Variants in FHIP1A observed in about 807,000 individuals in gnomAD.
FHIP1A encodes FHF complex subunit HOOK-interacting protein 1A.
FHIP1A carries 61 observed loss-of-function variants against 88.6 expected under a neutral mutation model. The ratio of observed to expected loss-of-function variants is 0.69; its 90% confidence interval spans 0.56 to 0.85. The LOEUF is 0.85. Among genes scored for constraint, FHIP1A ranks in the 40% least tolerant of loss-of-function variants. FHIP1A has a pLI of 0.00. For synonymous variants in FHIP1A, 478 were observed against 496.0 expected, an observed-to-expected ratio of 0.96 and a Z score of 0.48; for missense variants, 1,154 against 1,273.5, an observed-to-expected ratio of 0.91 and a Z score of 1.43.
chr4:151,465,886 A>C (rs1729293115), intron 2 of FHIP1A, among the ~76,000 whole-genome samples: 1 of 152,186 alleles, frequency 6.6e-6, no homozygotes, highest in South Asian at 2.1e-4. Context: ...AAATAATAAG[A>C]GCTATCTATG....
At chr4:151,520,467 C>T (rs1731409794) in intron 3 of FHIP1A, among the ~76,000 whole-genome samples, 1 of 151,894 alleles carries the variant, frequency 6.6e-6, no homozygotes, top group Admixed American at 6.5e-5. Flanking sequence ...TATGAATGTT[C>T]CATAAATCAT....
rs137900581 is a variant in FHIP1A, at chr4:151,444,269, C to T, written c.-355-10432C>T. Among the ~76,000 whole-genome samples, 593 of 152,188 alleles carry T rather than the reference C, an allele frequency of 3.9e-3. 3 individuals carry two copies. Among genetic ancestry groups the T allele is most frequent in the African/African-American group, 0.014 (569 of 41,532 alleles). On this transcript the variant is annotated intron_variant, in intron 1 of 13. Coordinates refer to ENST00000435205, the MANE Select transcript of FHIP1A (RefSeq NM_001109977.3). The stretch of plus-strand genomic sequence containing the variant: ...TAGGGACTCAGGAGGGACATGCAGG[C>T]GGTCAGGCATCTTGAAATGGAAGCC...
At chr4:151,608,011 TTTTTC>T (rs1409740742) in intron 7 of FHIP1A, among the ~76,000 whole-genome samples, 1 of 150,588 alleles carries the variant, frequency 6.6e-6, no homozygotes, top group Non-Finnish European at 1.5e-5. Flanking sequence ...TTCTTTTTCT[TTTTTC>T]TTTTCTTTTT....
chr4:151,514,911 T>G (rs1731171515), intron 3 of FHIP1A, among the ~76,000 whole-genome samples: 2 of 152,112 alleles, frequency 1.3e-5, no homozygotes, highest in Admixed American at 6.5e-5. Context: ...CTGAAAATAT[T>G]CCAATCAATA....
At chr4:151,412,981 G>C (rs1219961479) in intron 1 of FHIP1A, among the ~76,000 whole-genome samples, 3 of 152,044 alleles carry the variant, frequency 2.0e-5, no homozygotes, top group Non-Finnish European at 4.4e-5. Context: ...ACCGTGCCTG[G>C]CCCTCTTATT....
chr4:151,616,444 CTTTTTTTTT>C (rs763599410), intron 7 of FHIP1A, among the ~76,000 whole-genome samples: 5 of 113,388 alleles, frequency 4.4e-5, no homozygotes, highest in Admixed American at 1.8e-4. Context: ...TTCTTTCTTT[CTTTTTTTTT>C]TTTTTTTTTT....
chr4:151,650,347 T>C lies in FHIP1A; in HGVS notation c.2306T>C (p.Leu769Ser). The change falls in exon 11 of 14, where the codon TTG (leucine) becomes TCG (serine). Residue 769 changes from leucine (L) to serine (S), a missense_variant. Coordinates refer to ENST00000435205, the MANE Select transcript of FHIP1A (RefSeq NM_001109977.3). ...IKELDSGAEG[L>S]MEQNYPTPDP... ...GAGCTGGATTCCGGCGCCGAGGGCT[T>C]GATGGAACAGAATTACCCCACACCT... 1 of 1,551,636 alleles carries C rather than the reference T, an allele frequency of 6.4e-7. No homozygotes were observed. Among genetic ancestry groups the C allele is most frequent in the Non-Finnish European group, 8.7e-7 (1 of 1,146,990 alleles).
Position 151,519,135 on chromosome 4 carries a change from T to G in FHIP1A, c.-123+36487T>G, listed in dbSNP as rs115544622. Among the ~76,000 whole-genome samples, 400 of 152,314 alleles carry G rather than the reference T, an allele frequency of 2.6e-3. 1 individual carries two copies. Among genetic ancestry groups the G allele is most frequent in the African/African-American group, 9.2e-3 (383 of 41,576 alleles). On this transcript the variant is annotated intron_variant, in intron 3 of 13. Transcript: ENST00000435205. ...ACATCTTAATTATATATTTGCTGAATTTTAATAAACACATACACCTGCATA... is the reference window on the plus strand; with the variant it reads ...ACATCTTAATTATATATTTGCTGAAGTTTAATAAACACATACACCTGCATA...
intron 11 of FHIP1A, among the ~76,000 whole-genome samples, chr4:151,651,385 A>G (rs1359707235): frequency 2.6e-5 from 4 of 152,200 alleles, no homozygotes; most frequent in Non-Finnish European, 5.9e-5. Flanking sequence ...ATCGCCATAG[A>G]TGAGAGGGCT....
chr4:151,592,336 G>A (rs1254658031), intron 7 of FHIP1A, among the ~76,000 whole-genome samples: 11 of 152,052 alleles, frequency 7.2e-5, no homozygotes, highest in Non-Finnish European at 1.3e-4. Flanking sequence ...GGGTTTCACT[G>A]TGTTAGCCAG....
At chr4:151,627,651 A>C (rs1312059394) in intron 7 of FHIP1A, among the ~76,000 whole-genome samples, 1 of 152,082 alleles carries the variant, frequency 6.6e-6, no homozygotes, top group Non-Finnish European at 1.5e-5. Flanking sequence ...AGTTTGCAGT[A>C]GTGAAGTGGA....
intron 1 of FHIP1A, among the ~76,000 whole-genome samples, chr4:151,445,427 G>T (rs1728556967): frequency 2.0e-5 from 3 of 152,044 alleles, no homozygotes; most frequent in South Asian, 4.1e-4. Context: ...TTGGCCATTG[G>T]TGATTGAACT....
In FHIP1A at chr4:151,667,621, G is replaced by A. The variant is rs74552390; in HGVS notation, c.*4867G>A. Among the ~76,000 whole-genome samples the A allele has an allele frequency of 8.7e-4, 133 of 152,306 alleles. No individual in the cohort carries two copies. Among genetic ancestry groups the A allele is most frequent in the African/African-American group, 3.0e-3 (124 of 41,574 alleles). ...GGTTCTTTAGGGAAAAGAATGACCA[G>A]GAGAAGGTGGGTGGAAGCCTTCAGT... is the stretch of plus-strand genomic sequence containing the variant. On this transcript the variant is annotated 3_prime_UTR_variant, in exon 14 of 14. Coordinates refer to ENST00000435205, the MANE Select transcript of FHIP1A (RefSeq NM_001109977.3).
intron 7 of FHIP1A, among the ~76,000 whole-genome samples, chr4:151,592,220 C>T (rs1177743685): frequency 1.2e-4 from 18 of 152,116 alleles, no homozygotes; most frequent in Non-Finnish European, 1.6e-4. Context: ...CTGCAAACTC[C>T]GCCTCCCAGG....
At chr4:151,420,367 T>A (rs1375085724) in intron 1 of FHIP1A, among the ~76,000 whole-genome samples, 1 of 148,394 alleles carries the variant, frequency 6.7e-6, no homozygotes, top group Non-Finnish European at 1.5e-5. Flanking sequence ...CTTCATGTGT[T>A]TTTTGGCTGC....
chr4:151,646,180 C>T (rs1736784722), intron 9 of FHIP1A, among the ~76,000 whole-genome samples: 2 of 152,128 alleles, frequency 1.3e-5, no homozygotes, highest in Admixed American at 1.3e-4. Context: ...GATTAGCTCC[C>T]TCTCAGAGAA....
At chr4:151,452,172 T>TGA (rs1728814216) in intron 1 of FHIP1A, among the ~76,000 whole-genome samples, 1 of 152,216 alleles carries the variant, frequency 6.6e-6, no homozygotes, top group African/African-American at 2.4e-5. Context: ...CTGTTATTAG[T>TGA]AAGCTTTGTG....
At chr4:151,412,011 A>G (rs909337547) in intron 1 of FHIP1A, among the ~76,000 whole-genome samples, 1 of 152,226 alleles carries the variant, frequency 6.6e-6, no homozygotes, top group Non-Finnish European at 1.5e-5. Context: ...GAGTGCTTTC[A>G]TGTACCATGT....
chr4:151,494,709 T>A (rs112563066), intron 3 of FHIP1A, among the ~76,000 whole-genome samples: 51 of 152,370 alleles, frequency 3.3e-4, no homozygotes, highest in African/African-American at 1.2e-3. Flanking sequence ...TTATGAAGAA[T>A]GTCATTGGTA....
Sources: gnomAD v4.1 joint callset for allele counts (sites outside exome capture counted in the v4.1 genomes callset) on GRCh38, gnomAD v4.1.1 for gene constraint, MANE v1.5 for transcripts, NCBI Gene and HGNC (gene_info 2026-07-23, HGNC 2026-07-21) for gene names.